CCDC149: variants seen among roughly 807,000 people sequenced by gnomAD.
The protein encoded by CCDC149 is coiled-coil domain containing 149, also known as coiled-coil domain-containing protein 149.
In CCDC149, 45 loss-of-function variants were observed where a neutral mutation model predicts 59.9. The observed-to-expected ratio is 0.75, with a 90% confidence interval of 0.59 to 0.96. The LOEUF (loss-of-function observed/expected upper bound fraction) is 0.96. Among genes scored for constraint, CCDC149 ranks in the 40% least tolerant of loss-of-function variants. CCDC149 has a pLI of 0.00. For synonymous variants in CCDC149, 245 were observed against 260.6 expected (o/e 0.94, Z 0.58); for missense variants, 584 against 664.7 (o/e 0.88, Z 1.33).
intron 11 of CCDC149, 59 bp downstream of exon 11, chr4:24,820,996 G>T (rs1342587208): frequency 2.1e-6 from 2 of 953,222 alleles, no homozygotes; most frequent in East Asian, 3.3e-5. Context: ...TACATGCAGG[G>T]ATGACATAAT....
intron 1 of CCDC149, among the ~76,000 whole-genome samples, chr4:24,909,459 C>T (rs941521681): frequency 1.3e-5 from 2 of 152,180 alleles, no homozygotes; most frequent in Non-Finnish European, 2.9e-5. Context: ...CCCCTGCCAG[C>T]CAAACTTGAC....
intron 1 of CCDC149, among the ~76,000 whole-genome samples, chr4:24,922,831 G>T (rs1382798813): frequency 1.3e-5 from 2 of 152,170 alleles, no homozygotes; most frequent in Non-Finnish European, 2.9e-5. Flanking sequence ...GAAACACACA[G>T]TAACCTTGGT....
At chr4:24,976,488 G>C (rs557427448) in intron 1 of CCDC149, among the ~76,000 whole-genome samples, 7 of 152,184 alleles carry the variant, frequency 4.6e-5, no homozygotes, top group African/African-American at 1.4e-4. Flanking sequence ...TGAGGCTGGC[G>C]AATCGCCTGA....
At chr4:24,965,638 A>G (rs530021418) in intron 1 of CCDC149, among the ~76,000 whole-genome samples, 27 of 152,254 alleles carry the variant, frequency 1.8e-4, no homozygotes, top group Non-Finnish European at 3.4e-4. Flanking sequence ...TAAAGCAATA[A>G]TTAGGGAAAA....
intron 1 of CCDC149, among the ~76,000 whole-genome samples, chr4:24,902,114 C>CT (rs1721204632): frequency 1.3e-5 from 2 of 152,218 alleles, no homozygotes; most frequent in Non-Finnish European, 2.9e-5. Flanking sequence ...AGGTTGAAAA[C>CT]TACACGATAA....
chr4:24,976,827 G>T (rs1346953676), intron 1 of CCDC149, among the ~76,000 whole-genome samples: 2 of 152,208 alleles, frequency 1.3e-5, no homozygotes, highest in Non-Finnish European at 2.9e-5. Context: ...ATGGACTCCA[G>T]CTCTGGAGCC....
At chr4:24,880,219 T>C (rs544048985) in intron 1 of CCDC149, among the ~76,000 whole-genome samples, 13 of 152,354 alleles carry the variant, frequency 8.5e-5, no homozygotes, top group South Asian at 6.2e-4. Context: ...ATATGTATCA[T>C]TGTGTTACAA....
chr4:24,968,255 G>C (rs571070798), intron 1 of CCDC149, among the ~76,000 whole-genome samples: 1 of 152,340 alleles, frequency 6.6e-6, no homozygotes, highest in Admixed American at 6.5e-5. Flanking sequence ...GAAGGGAGCT[G>C]AGCTCCAGTA....
intron 7 of CCDC149, among the ~76,000 whole-genome samples, chr4:24,835,377 C>T (rs1716450611): frequency 6.6e-6 from 1 of 152,162 alleles, no homozygotes; most frequent in Admixed American, 6.5e-5. Context: ...TCTGAATAGA[C>T]ATGAGATGGT....
upstream of CCDC149, among the ~76,000 whole-genome samples, chr4:24,915,798 A>G (rs1722107972): frequency 6.6e-6 from 1 of 152,194 alleles, no homozygotes; most frequent in Admixed American, 6.5e-5. Context: ...AAGGCAATGT[A>G]GCTGCAAGCA....
At chr4:24,926,089 G>C (rs1456910067) in intron 1 of CCDC149, among the ~76,000 whole-genome samples, 1 of 152,148 alleles carries the variant, frequency 6.6e-6, no homozygotes, top group Non-Finnish European at 1.5e-5. Flanking sequence ...CCAGCTACTC[G>C]GGAGGCTGTG....
At chr4:24,902,618 A>G (rs984910957) in intron 1 of CCDC149, among the ~76,000 whole-genome samples, 1 of 152,216 alleles carries the variant, frequency 6.6e-6, no homozygotes, top group Non-Finnish European at 1.5e-5. Flanking sequence ...TCAACTTCTA[A>G]GAAGCTTTTC....
rs1350490548 is a variant in CCDC149 at position 24,950,862 on chromosome 4, A to G, written c.-65+29207T>C. On this transcript the variant is annotated intron_variant, in intron 1 of 12. Transcript: ENST00000389609. ...CCATTCAGAACCTCTAATAAGCAGGACCTGGCCAACGTGGCCACAGGAAGT... is the reference window on the plus strand; with the variant it reads ...CCATTCAGAACCTCTAATAAGCAGGGCCTGGCCAACGTGGCCACAGGAAGT... Among the ~76,000 whole-genome samples the G allele has an allele frequency of 3.3e-5, 5 of 152,220 alleles. No individual in the cohort carries two copies. In the East Asian group the frequency reaches 9.6e-4, roughly 29 times the overall value.
intron 1 of CCDC149, among the ~76,000 whole-genome samples, chr4:24,938,180 G>A (rs1024733789): frequency 2.0e-5 from 3 of 152,182 alleles, no homozygotes; most frequent in Admixed American, 6.5e-5. Flanking sequence ...ATGAATCTGT[G>A]TCATGCATCA....
chr4:24,842,279 A>G (rs900764459), intron 4 of CCDC149, among the ~76,000 whole-genome samples: 1 of 152,182 alleles, frequency 6.6e-6, no homozygotes, highest in African/African-American at 2.4e-5. Flanking sequence ...TGTAATTATC[A>G]TCCTCCTCCT....
At chr4:24,910,096 T>C (rs1291508300) in intron 1 of CCDC149, among the ~76,000 whole-genome samples, 2 of 152,202 alleles carry the variant, frequency 1.3e-5, no homozygotes, top group African/African-American at 2.4e-5. Flanking sequence ...ACAGTTGTTT[T>C]TTTCTGGGGA....
intron 1 of CCDC149, among the ~76,000 whole-genome samples, chr4:24,965,879 C>T (rs530995517): frequency 2.5e-4 from 38 of 152,220 alleles, no homozygotes; most frequent in African/African-American, 8.9e-4. Flanking sequence ...CGTTATGTAA[C>T]CATGCCATGT....
At chr4:24,905,398 T>C (rs1302551834) in intron 1 of CCDC149, among the ~76,000 whole-genome samples, 1 of 148,350 alleles carries the variant, frequency 6.7e-6, no homozygotes, top group Admixed American at 7.0e-5. Context: ...TAGTCTTCTT[T>C]CTTTTTGCGT....
chr4:24,838,778 T>TA (rs372190574), intron 4 of CCDC149, among the ~76,000 whole-genome samples: 2,102 of 137,152 alleles, frequency 0.015, 20 homozygotes, highest in East Asian at 0.024. Context: ...TTAAAGAGTT[T>TA]AAAAAAAAAA....
Sources: allele counts gnomAD v4.1 joint callset (sites outside exome capture counted in the v4.1 genomes callset), GRCh38; gene constraint gnomAD v4.1.1; transcripts MANE v1.5; gene names NCBI Gene and HGNC (gene_info 2026-07-23, HGNC 2026-07-21).